SCAMP1: variants seen among roughly 807,000 people sequenced by gnomAD.
SCAMP1 encodes the protein secretory carrier-associated membrane protein 1.
A neutral mutation model predicts 41.8 loss-of-function variants in SCAMP1; 15 were observed. The ratio of observed to expected loss-of-function variants is 0.36; its 90% CI spans 0.24 to 0.55. SCAMP1 has a LOEUF of 0.55. Ranked by LOEUF, SCAMP1 falls within the 20% of genes least tolerant of loss-of-function variation. The pLI is 0.86. For synonymous variants in SCAMP1, 135 were observed against 136.8 expected (o/e 0.99, Z 0.09); for missense variants, 341 against 412.6 (o/e 0.83, Z 1.50).
intron 7 of SCAMP1, among the ~76,000 whole-genome samples, chr5:78,457,480 T>C (rs1278027146): frequency 6.6e-6 from 1 of 152,090 alleles, no homozygotes; most frequent in African/African-American, 2.4e-5. Flanking sequence ...GGGGGGTGCC[T>C]CCCAGTTAGG....
chr5:78,367,497 A>G (rs779012462), intron 1 of SCAMP1, among the ~76,000 whole-genome samples: 4 of 152,146 alleles, frequency 2.6e-5, no homozygotes, highest in Admixed American at 2.0e-4. Context: ...TAGCCTCTCT[A>G]CTAGTAATAA....
chr5:78,454,581 T>A (rs1360994714), intron 7 of SCAMP1, among the ~76,000 whole-genome samples: 2 of 152,084 alleles, frequency 1.3e-5, no homozygotes, highest in Non-Finnish European at 2.9e-5. Context: ...TGGATTCGTT[T>A]TGCCAGTATT....
chr5:78,473,933 TGA>T (rs1459843378), intron 8 of SCAMP1, among the ~76,000 whole-genome samples: 1 of 152,070 alleles, frequency 6.6e-6, no homozygotes, highest in Non-Finnish European at 1.5e-5. Flanking sequence ...TTCTAGAGGC[TGA>T]GAAGTCCAAG....
rs777723167 is a variant in SCAMP1 at position 78,450,047 on chromosome 5, T to C, written c.734+13T>C. The stretch of plus-strand genomic sequence containing the variant: ...ACTGGGGCAATTGGTAAGTTTTTTT[T>C]TTTACTAGTTTTCAGCTTTAATCTA... On this transcript the variant is annotated intron_variant, in intron 7 of 8. Coordinates refer to ENST00000621999, the MANE Select transcript of SCAMP1 (RefSeq NM_004866.6). 4 of 1,418,814 alleles carry C rather than the reference T, an allele frequency of 2.8e-6. No homozygotes were observed. The South Asian group carries it at 3.8e-5, about 14-fold the overall frequency. 87.9% of individuals were successfully genotyped at this position (1,418,814 alleles called of 1,614,324 possible). A position where few individuals can be genotyped will look rare whatever the true frequency, so the allele number is the denominator to read the frequency against.
At chr5:78,435,724 C>A (rs1752736618) in intron 6 of SCAMP1, among the ~76,000 whole-genome samples, 2 of 152,118 alleles carry the variant, frequency 1.3e-5, no homozygotes, top group South Asian at 2.1e-4. Flanking sequence ...GATTTGTAAT[C>A]CTTTGGGTAT....
At position 78,430,318 on chromosome 5, in the gene SCAMP1, T is replaced by C. The variant is rs964468968; in HGVS notation, c.632+8358T>C. Reference sequence around the variant, plus strand: ...AAATAGTATTTACAGCTGCACTTTCTAGTATATCGTGATTATATTTTGTTT... The same window carrying C: ...AAATAGTATTTACAGCTGCACTTTCCAGTATATCGTGATTATATTTTGTTT... On this transcript the variant is annotated intron_variant, in intron 6 of 8. Transcript: ENST00000621999. Among the ~76,000 whole-genome samples, 14 of 150,708 alleles carry C rather than the reference T, an allele frequency of 9.3e-5. No individual in the cohort carries two copies. In the Admixed American group the frequency reaches 9.3e-4, roughly 10 times the overall value.
chr5:78,451,532 C>T (rs960019164), intron 7 of SCAMP1, among the ~76,000 whole-genome samples: 3 of 152,172 alleles, frequency 2.0e-5, no homozygotes, highest in Non-Finnish European at 4.4e-5. Flanking sequence ...GTTGTTTTGT[C>T]ATTTCAAGAA....
chr5:78,468,383 G>A (rs777273783), intron 8 of SCAMP1, among the ~76,000 whole-genome samples: 1 of 152,138 alleles, frequency 6.6e-6, no homozygotes, highest in Non-Finnish European at 1.5e-5. Flanking sequence ...ATTGAGTAAT[G>A]GTTTTGGGCC....
intron 1 of SCAMP1, among the ~76,000 whole-genome samples, chr5:78,387,447 A>AT (rs569212955): frequency 6.9e-6 from 1 of 144,528 alleles, no homozygotes; most frequent in Admixed American, 6.9e-5. Context: ...GACCTTCTGA[A>AT]TTTTTTTTCT....
chr5:78,456,086 A>G (rs1227948531), intron 7 of SCAMP1, among the ~76,000 whole-genome samples: 8 of 106,274 alleles, frequency 7.5e-5, no homozygotes, highest in African/African-American at 2.0e-4. Context: ...GTCTCTGCAC[A>G]TGAGATGGGT....
Position 78,479,151 on chromosome 5 carries a change from T to C in SCAMP1, c.*3483T>C, listed in dbSNP as rs1754073350. On this transcript the variant is annotated 3_prime_UTR_variant, in exon 9 of 9. Coordinates refer to ENST00000621999, the MANE Select transcript of SCAMP1 (RefSeq NM_004866.6). The stretch of plus-strand genomic sequence containing the variant: ...GAGCATTTTTTCCCCTGCTTATGTA[T>C]ACCTTAGAGTTACCATGGCTGTCAT... The C allele has an allele frequency of 6.6e-6, 1 of 152,202 alleles. No homozygotes were observed. The highest frequency in any genetic ancestry group is 2.4e-5 in the African/African-American group (1 of 41,466). 9.4% of individuals were successfully genotyped at this position (152,202 alleles called of 1,614,324 possible). A position where few individuals can be genotyped will look rare whatever the true frequency, so the allele number is the denominator to read the frequency against.
intron 6 of SCAMP1, among the ~76,000 whole-genome samples, chr5:78,435,275 G>A (rs151283110): frequency 0.011 from 1,703 of 152,268 alleles, 39 homozygotes; most frequent in African/African-American, 0.039. Context: ...TAGGGTACAA[G>A]TGCACAACGT....
chr5:78,459,166 G>T, intron 7 of SCAMP1, 79 bp from the exon 8 acceptor site: 1 of 720,786 alleles, frequency 1.4e-6, no homozygotes, highest in South Asian at 1.6e-5. Flanking sequence ...GATAAGTGTT[G>T]AATATGTGTT....
chr5:78,452,560 T>G (rs1477313239), intron 7 of SCAMP1, among the ~76,000 whole-genome samples: 1 of 143,254 alleles, frequency 7.0e-6, no homozygotes, highest in Non-Finnish European at 1.5e-5. Flanking sequence ...GGTGTATATG[T>G]GCCACATTTT....
At position 78,379,159 on chromosome 5, in the gene SCAMP1, C is replaced by G. The variant is rs550982963; in HGVS notation, c.58-9678C>G. ...TTGTCTCAGACATGCACTAATTGAT[C>G]TTAAGGAAGTTTCCTGACCTTGTTT... On this transcript the variant is annotated intron_variant, in intron 1 of 8. Coordinates refer to ENST00000621999, the MANE Select transcript of SCAMP1 (RefSeq NM_004866.6). Among the ~76,000 whole-genome samples, 8 of 152,292 alleles carry G rather than the reference C, an allele frequency of 5.3e-5. No individual in the cohort carries two copies. In the East Asian group the frequency reaches 1.5e-3, roughly 29 times the overall value.
intron 1 of SCAMP1, among the ~76,000 whole-genome samples, chr5:78,374,957 A>AT (rs1192810375): frequency 1.3e-5 from 2 of 152,090 alleles, no homozygotes; most frequent in African/African-American, 4.8e-5. Flanking sequence ...TTGTTGAGAG[A>AT]TTTTTAATGG....
At chr5:78,435,061 A>T (rs1204191609) in intron 6 of SCAMP1, among the ~76,000 whole-genome samples, 1 of 152,176 alleles carries the variant, frequency 6.6e-6, no homozygotes, top group Non-Finnish European at 1.5e-5. Flanking sequence ...AGTAGTTTAG[A>T]GGTAGAACAG....
rs1197381285 is a variant in SCAMP1 at position 78,398,355 on chromosome 5, C to CTTTTTTTTTTTTTTTTTTTTT, written c.135+9448_135+9468dup. 5.2e-5 allele frequency among the ~76,000 whole-genome samples: 3 copies of CTTTTTTTTTTTTTTTTTTTTT among 57,464 alleles called. 1 individual carries two copies. The highest frequency in any genetic ancestry group is 1.9e-3 in the South Asian group (2 of 1,058). The allele number at this position is 57,464 out of a possible 152,430, so 37.7% of individuals were successfully genotyped here. A position where few individuals can be genotyped will look rare whatever the true frequency, so the allele number is the denominator to read the frequency against. On this transcript the variant is annotated intron_variant, in intron 2 of 8. Transcript: ENST00000621999. ...CTATAGTTTATCCTAGGGTTCACCT[C>CTTTTTTTTTTTTTTTTTTTTT]TTTTTTTTTTTTTTTTTTTTTTTTT...
At chr5:78,427,558 G>C (rs1244424213) in intron 6 of SCAMP1, among the ~76,000 whole-genome samples, 2 of 152,092 alleles carry the variant, frequency 1.3e-5, no homozygotes, top group Non-Finnish European at 2.9e-5. Context: ...CCTAGGAGTA[G>C]CCTTACTGGG....
Sources: gnomAD v4.1 joint callset for allele counts (sites outside exome capture counted in the v4.1 genomes callset) on GRCh38, gnomAD v4.1.1 for gene constraint, MANE v1.5 for transcripts, NCBI Gene and HGNC (gene_info 2026-07-23, HGNC 2026-07-21) for gene names.